Variants in BAZ2B observed in about 807,000 individuals in gnomAD.
The protein encoded by BAZ2B is bromodomain adjacent to zinc finger domain protein 2B.
Under a neutral mutation model 246.0 loss-of-function variants are expected in BAZ2B, and 91 were observed. The ratio of observed to expected loss-of-function variants is 0.37; its 90% CI spans 0.31 to 0.44. The LOEUF is 0.44. BAZ2B is among the 20% of genes least tolerant of loss of function. BAZ2B has a pLI of 1.00. For missense variants in BAZ2B, 2,332 were observed against 2,533.7 expected (o/e 0.92, Z 1.71); for synonymous variants, 855 against 860.0 (o/e 0.99, Z 0.10).
chr2:159,379,055 C>T (rs534616857), intron 25 of BAZ2B, among the ~76,000 whole-genome samples: 1 of 152,216 alleles, frequency 6.6e-6, no homozygotes, highest in Non-Finnish European at 1.5e-5. Context: ...ATGTTCATTG[C>T]AATGTTATTC....
At chr2:159,690,355 A>AT in the BAZ2B span, 1 of 170,900 alleles carries the variant, frequency 5.9e-6, no homozygotes, top group Non-Finnish European at 1.2e-5. Flanking sequence ...CCATGTTGGT[A>AT]TTTTTATTGA....
chr2:159,638,936 C>T, the BAZ2B span, among the ~76,000 whole-genome samples: 3 of 152,166 alleles, frequency 2.0e-5, no homozygotes, highest in East Asian at 5.8e-4. Context: ...AGAAGATTAT[C>T]TCAAGAAATT....
chr2:159,645,354 C>T, the BAZ2B span, among the ~76,000 whole-genome samples: 3 of 152,020 alleles, frequency 2.0e-5, no homozygotes, highest in African/African-American at 7.2e-5. Context: ...ACCTTTTCGG[C>T]ACCAGGGACC....
intron 1 of BAZ2B, among the ~76,000 whole-genome samples, chr2:159,592,521 T>C (rs1689632717): frequency 6.6e-6 from 1 of 152,194 alleles, no homozygotes. Flanking sequence ...AATTATCTTC[T>C]TTCCTCTTTC....
rs773606582 is a variant in BAZ2B, at chr2:159,433,368, T to C, written c.1294-5A>G. 1 of 1,593,590 alleles carries C rather than the reference T, an allele frequency of 6.3e-7. No individual in the cohort carries two copies. The highest frequency in any genetic ancestry group is 8.5e-7 in the Non-Finnish European group (1 of 1,171,136). Reference sequence around the variant, plus strand: ...GAATGCCTGTTTATATTGTTCCTGTTGAAACATAAGTTAAAAAACACAACA... The same window carrying C: ...GAATGCCTGTTTATATTGTTCCTGTCGAAACATAAGTTAAAAAACACAACA... On this transcript the variant is annotated splice_polypyrimidine_tract_variant and splice_region_variant and intron_variant, in intron 8 of 36. Coordinates refer to ENST00000392783, the MANE Select transcript of BAZ2B (RefSeq NM_013450.4).
intron 26 of BAZ2B, among the ~76,000 whole-genome samples, chr2:159,373,747 C>T (rs114254769): frequency 0.033 from 5,000 of 152,240 alleles, 156 homozygotes; most frequent in Middle Eastern, 0.14. Flanking sequence ...GGGAGGATCG[C>T]TTGAGCCTGG....
chr2:159,421,156 C>T (rs2068668488), intron 13 of BAZ2B, among the ~76,000 whole-genome samples: 2 of 150,288 alleles, frequency 1.3e-5, no homozygotes, highest in African/African-American at 2.4e-5. Context: ...GTATCTTATA[C>T]CCTATTTCTT....
intron 27 of BAZ2B, among the ~76,000 whole-genome samples, chr2:159,368,177 C>T (rs1021310408): frequency 2.0e-5 from 3 of 152,172 alleles, no homozygotes; most frequent in African/African-American, 7.2e-5. Flanking sequence ...ATGCCAGCCT[C>T]CTGAGTAACT....
the BAZ2B span, among the ~76,000 whole-genome samples, chr2:159,702,679 A>C: frequency 6.6e-6 from 1 of 152,234 alleles, no homozygotes; most frequent in Admixed American, 6.5e-5. Flanking sequence ...GAAATCAAAT[A>C]TTCATTAAAA....
chr2:159,564,527 A>G (rs1229083569), intron 1 of BAZ2B, among the ~76,000 whole-genome samples: 1 of 152,152 alleles, frequency 6.6e-6, no homozygotes, highest in Non-Finnish European at 1.5e-5. Context: ...AAATAAGAAG[A>G]CTATCACGGT....
chr2:159,643,708 G>A, the BAZ2B span, among the ~76,000 whole-genome samples: 2 of 151,730 alleles, frequency 1.3e-5, no homozygotes, highest in African/African-American at 4.8e-5. Context: ...AATCCTGTCT[G>A]TACTAAAAAT....
chr2:159,530,626 C>T (rs919661255), intron 2 of BAZ2B, among the ~76,000 whole-genome samples: 4 of 151,976 alleles, frequency 2.6e-5, no homozygotes. Context: ...ACTTTATAAT[C>T]CAGATATAAA....
chr2:159,360,890 CT>C (rs1226384011), intron 27 of BAZ2B, among the ~76,000 whole-genome samples: 2 of 152,176 alleles, frequency 1.3e-5, no homozygotes, highest in Non-Finnish European at 2.9e-5. Flanking sequence ...GGAAAACTGG[CT>C]AGTCATATGC....
the BAZ2B span, among the ~76,000 whole-genome samples, chr2:159,679,729 G>C: frequency 2.6e-5 from 4 of 152,324 alleles, no homozygotes; most frequent in South Asian, 8.3e-4. Flanking sequence ...TGAGAAAAGT[G>C]AAATAGGAAA....
intron 2 of BAZ2B, among the ~76,000 whole-genome samples, chr2:159,516,870 T>C (rs1209216371): frequency 1.3e-5 from 2 of 152,154 alleles, no homozygotes; most frequent in African/African-American, 2.4e-5. Flanking sequence ...GCTTGAAAAC[T>C]GGCACTGTTT....
chr2:159,588,969 G>A (rs1017832201), intron 1 of BAZ2B, among the ~76,000 whole-genome samples: 6 of 152,132 alleles, frequency 3.9e-5, no homozygotes, highest in African/African-American at 7.2e-5. Context: ...CAGTAAGGAC[G>A]AGAAAGAAAA....
chr2:159,543,896 T>C (rs1158903045), intron 2 of BAZ2B, among the ~76,000 whole-genome samples: 1 of 152,268 alleles, frequency 6.6e-6, no homozygotes, highest in Non-Finnish European at 1.5e-5. Context: ...TATTTTTAAA[T>C]TGCCTGTTTG....
intron 35 of BAZ2B, 36 bp downstream of exon 35, chr2:159,325,617 T>C: frequency 6.5e-7 from 1 of 1,549,782 alleles, no homozygotes; most frequent in Non-Finnish European, 8.6e-7. Flanking sequence ...AAATGGGGCA[T>C]TATAAATATA....
chr2:159,393,878 C>G (rs1291455482), intron 20 of BAZ2B, among the ~76,000 whole-genome samples: 1 of 152,160 alleles, frequency 6.6e-6, no homozygotes, highest in Non-Finnish European at 1.5e-5. Flanking sequence ...CAGCTTCCCC[C>G]ACTCTCCCCA....
Sources: allele counts gnomAD v4.1 joint callset (sites outside exome capture counted in the v4.1 genomes callset), GRCh38; gene constraint gnomAD v4.1.1; transcripts MANE v1.5; gene names NCBI Gene and HGNC (gene_info 2026-07-23, HGNC 2026-07-21).